COX5A: variants seen among roughly 807,000 people sequenced by gnomAD.
COX5A encodes cytochrome c oxidase subunit 5A.
A neutral mutation model predicts 16.1 loss-of-function variants in COX5A; 6 were observed. The ratio of observed to expected loss-of-function variants is 0.37; its 90% CI spans 0.20 to 0.73. The LOEUF is 0.73. COX5A is among the 30% of genes least tolerant of loss of function. The probability of loss-of-function intolerance (pLI) is 0.50; values close to 1 mark genes in which losing one functional copy is unlikely to be tolerated. For synonymous variants in COX5A, 73 were observed against 73.8 expected (o/e 0.99, Z 0.06); for missense variants, 159 against 194.9 (o/e 0.82, Z 1.10).
intron 1 of COX5A, among the ~76,000 whole-genome samples, chr15:74,930,471 C>CAAA (rs137868871): frequency 2.9e-5 from 4 of 137,536 alleles, no homozygotes; most frequent in Admixed American, 1.5e-4. Context: ...AAAAAAGCAA[C>CAAA]AAAAAAAAAA....
intron 1 of COX5A, among the ~76,000 whole-genome samples, chr15:74,936,957 C>T (rs1225314857): frequency 6.6e-6 from 1 of 152,194 alleles, no homozygotes; most frequent in Non-Finnish European, 1.5e-5. Flanking sequence ...TTAACTTCAG[C>T]ATACCCTGAA....
intron 3 of COX5A, among the ~76,000 whole-genome samples, chr15:74,924,800 T>C (rs754378513): frequency 2.0e-5 from 3 of 152,226 alleles, no homozygotes; most frequent in Admixed American, 1.3e-4. Flanking sequence ...GCTGAATGGA[T>C]TGATAGCCTA....
chr15:74,935,563 T>G (rs1206668961), intron 1 of COX5A, among the ~76,000 whole-genome samples: 1 of 149,518 alleles, frequency 6.7e-6, no homozygotes, highest in East Asian at 2.0e-4. Context: ...ATGGTGCCAC[T>G]GCACTCCAGC....
chr15:74,930,755 C>T (rs1211052077), intron 1 of COX5A, among the ~76,000 whole-genome samples: 6 of 149,408 alleles, frequency 4.0e-5, no homozygotes, highest in Non-Finnish European at 5.9e-5. Context: ...TGGTGGCTCA[C>T]GCCTGTAATC....
intron 1 of COX5A, among the ~76,000 whole-genome samples, chr15:74,930,546 T>C (rs1471021554): frequency 1.3e-5 from 2 of 151,056 alleles, no homozygotes; most frequent in African/African-American, 4.8e-5. Context: ...GCTCTGTTGT[T>C]GCCTAGGCTG....
chr15:74,938,070 G>T lies in COX5A; in HGVS notation c.-56C>A, dbSNP rs1321791789. On this transcript the variant is annotated 5_prime_UTR_variant, in exon 1 of 5. Coordinates refer to ENST00000322347, the MANE Select transcript of COX5A (RefSeq NM_004255.4). ...AGAGAGAAGCCGGTGTAAGCTCGCG[G>T]GTTGCTCCGGAGCGGGCGGGGGCCG... The T allele has an allele frequency of 3.5e-6, 4 of 1,143,980 alleles. No homozygotes were observed. Among genetic ancestry groups the T allele is most frequent in the African/African-American group, 1.6e-5 (1 of 62,290 alleles). 70.9% of individuals were successfully genotyped at this position (1,143,980 alleles called of 1,614,324 possible).
chr15:74,928,542 G>A (rs974471918), intron 2 of COX5A, among the ~76,000 whole-genome samples: 1 of 151,986 alleles, frequency 6.6e-6, no homozygotes, highest in African/African-American at 2.4e-5. Context: ...CCGCCACCAC[G>A]TCCGGCTAAT....
Position 74,929,215 on chromosome 15 carries a change from A to G in COX5A, c.118T>C (p.Cys40Arg), listed in dbSNP as rs761019932. The change falls in exon 2 of 5, where the codon TGC becomes CGC. Residue 40 changes from cysteine (C) to arginine (R), a missense_variant. Physicochemically the swap from Cys to Arg is radical, Grantham distance 180. Coordinates refer to ENST00000322347, the MANE Select transcript of COX5A (RefSeq NM_004255.4). ...GPAVAIQSVR[C>R]YSHGSQETDE... is the part of the protein sequence containing the mutation. ...GTCTCCTGTGACCCATGGGAATAGC[A>G]GCGAACTGACTGGATAGCTATAATG... 4 of 1,612,452 alleles carry G rather than the reference A, an allele frequency of 2.5e-6. No homozygotes were observed. The highest frequency in any genetic ancestry group is 2.5e-6 in the Non-Finnish European group (3 of 1,178,488).
intron 2 of COX5A, among the ~76,000 whole-genome samples, chr15:74,927,655 C>T (rs2141271995): frequency 1.3e-5 from 2 of 152,074 alleles, no homozygotes; most frequent in Middle Eastern, 6.8e-3. Flanking sequence ...GCCTGTAATT[C>T]CAGCTACTCT....
At chr15:74,923,518 A>C in intron 4 of COX5A, 130 bp downstream of exon 4, 1 of 526,836 alleles carries the variant, frequency 1.9e-6, no homozygotes. Context: ...GTATTCTCAA[A>C]ATCTCTTCAT....
intron 2 of COX5A, among the ~76,000 whole-genome samples, chr15:74,928,529 C>A (rs979054003): frequency 1.3e-5 from 2 of 152,010 alleles, no homozygotes; most frequent in African/African-American, 2.4e-5. Flanking sequence ...TGACTACAGG[C>A]GCCCGCCACC....
At chr15:74,922,730 G>A (rs1027398467) in intron 4 of COX5A, among the ~76,000 whole-genome samples, 8 of 146,780 alleles carry the variant, frequency 5.5e-5, no homozygotes, top group Admixed American at 4.2e-4. Flanking sequence ...CAGTGACACA[G>A]TCTCGGCTCA....
chr15:74,934,188 G>A (rs2065378965), intron 1 of COX5A, among the ~76,000 whole-genome samples: 1 of 152,126 alleles, frequency 6.6e-6, no homozygotes, highest in South Asian at 2.1e-4. Context: ...CAACAAGGCT[G>A]CAGTGAGCTA....
chr15:74,929,169 C>A lies in COX5A; in HGVS notation c.164G>T (p.Arg55Leu), dbSNP rs750854500. Residue 55 changes from arginine (R) to leucine (L), a missense_variant, in exon 2 of 5, where the codon CGC (arginine) becomes CTC (leucine). Physicochemically the swap from Arg to Leu is moderately radical, Grantham distance 102. Coordinates refer to ENST00000322347, the MANE Select transcript of COX5A (RefSeq NM_004255.4). Reference protein sequence around the residue: ...SQETDEEFDARWVTYFNKPDI... With the variant: ...SQETDEEFDALWVTYFNKPDI... ...TGGCTTGTTGAAGTATGTTACCCAG[C>A]GAGCATCAAACTCCTCATCTGTCTC... The A allele has an allele frequency of 1.2e-6, 2 of 1,614,076 alleles. No homozygotes were observed. The highest frequency in any genetic ancestry group is 1.7e-6 in the Non-Finnish European group (2 of 1,179,962).
chr15:74,935,730 C>T (rs779871635), intron 1 of COX5A, among the ~76,000 whole-genome samples: 3 of 151,740 alleles, frequency 2.0e-5, no homozygotes, highest in Non-Finnish European at 4.4e-5. Context: ...GAAGCTGGGA[C>T]CACGTGTGCG....
intron 1 of COX5A, 44 bp from the exon 2 acceptor site, chr15:74,929,276 C>T (rs779754155): frequency 7.5e-7 from 1 of 1,337,030 alleles, no homozygotes; most frequent in South Asian, 1.2e-5. Context: ...ACAAATAGTA[C>T]TTGATATATT....
intron 3 of COX5A, among the ~76,000 whole-genome samples, chr15:74,925,519 G>A (rs2065339429): frequency 6.6e-6 from 1 of 151,456 alleles, no homozygotes; most frequent in African/African-American, 2.4e-5. Context: ...CTCCCGACTA[G>A]CTGGGATTAC....
At chr15:74,930,146 G>A (rs576512648) in intron 1 of COX5A, among the ~76,000 whole-genome samples, 30 of 151,780 alleles carry the variant, frequency 2.0e-4, no homozygotes, top group Non-Finnish European at 3.4e-4. Context: ...TAGGCCGGGC[G>A]CAGTGGCTCA....
At chr15:74,936,333 A>G (rs927074139) in intron 1 of COX5A, among the ~76,000 whole-genome samples, 2 of 151,958 alleles carry the variant, frequency 1.3e-5, no homozygotes, top group African/African-American at 4.8e-5. Context: ...ACAAGGAGTC[A>G]GTTTCCCAAG....
Sources: gnomAD v4.1 joint callset for allele counts (sites outside exome capture counted in the v4.1 genomes callset) on GRCh38, gnomAD v4.1.1 for gene constraint, MANE v1.5 for transcripts, NCBI Gene and HGNC (gene_info 2026-07-23, HGNC 2026-07-21) for gene names.